Variants in C1GALT1 observed in about 807,000 individuals in gnomAD.
C1GALT1 encodes the protein core 1 synthase, glycoprotein-N-acetylgalactosamine 3-beta-galactosyltransferase 1.
A neutral mutation model predicts 31.0 loss-of-function variants in C1GALT1; 11 were observed. The ratio of observed to expected loss-of-function variants is 0.36; its 90% confidence interval spans 0.22 to 0.59. The LOEUF (loss-of-function observed/expected upper bound fraction) is 0.59. C1GALT1 is among the 20% of genes least tolerant of loss of function. The pLI is 0.79. For synonymous variants in C1GALT1, 175 were observed against 143.6 expected, an observed-to-expected ratio of 1.22 and a Z score of -1.56; for missense variants, 424 against 425.2, an observed-to-expected ratio of 1.00 and a Z score of 0.03.
At chr7:7,190,490 G>C (rs929995936) in intron 1 of C1GALT1, among the ~76,000 whole-genome samples, 8 of 152,108 alleles carry the variant, frequency 5.3e-5, no homozygotes, top group African/African-American at 1.7e-4. Flanking sequence ...CTGATGTAGA[G>C]AACAGTTTCT....
Position 7,238,666 on chromosome 7 carries a change from C to T in C1GALT1, c.632C>T (p.Ala211Val). The change falls in exon 3 of 4, where the codon GCA becomes GTA. Residue 211 changes from alanine (A) to valine (V), a missense_variant. Transcript: ENST00000436587. The surrounding 1 kb of genome is among the most constrained non-coding windows in gnomAD (Gnocchi z 5.2). ...AAGCAGGGCTACATGAGTGGAGGAG[C>T]AGGATATGTACTAAGCAAAGAAGCC... ...YVKQGYMSGG[A>V]GYVLSKEALK... 6.2e-7 allele frequency: 1 copy of T among 1,614,018 alleles called. No homozygotes were observed. Among genetic ancestry groups the T allele is most frequent in the Non-Finnish European group, 8.5e-7 (1 of 1,179,958 alleles).
intron 1 of C1GALT1, among the ~76,000 whole-genome samples, chr7:7,211,555 C>T (rs938536734): frequency 5.3e-5 from 8 of 152,148 alleles, no homozygotes; most frequent in African/African-American, 7.2e-5. Context: ...AAGGTGCTAC[C>T]GTGTGTATCC....
intron 2 of C1GALT1, among the ~76,000 whole-genome samples, chr7:7,173,828 G>A (rs1259498786): frequency 6.6e-6 from 1 of 152,182 alleles, no homozygotes; most frequent in Non-Finnish European, 1.5e-5. Flanking sequence ...ACTTAAGCCT[G>A]GGCGGTGGAG....
At chr7:7,233,331 TTG>T (rs1783178426) in intron 1 of C1GALT1, among the ~76,000 whole-genome samples, 1 of 152,182 alleles carries the variant, frequency 6.6e-6, no homozygotes, top group South Asian at 2.1e-4. Context: ...TGGTGCAGTC[TTG>T]GCACACTGCA....
chr7:7,238,633 C>T lies in C1GALT1; in HGVS notation c.599C>T (p.Pro200Leu). 1 of 1,614,042 alleles carries T rather than the reference C, an allele frequency of 6.2e-7. No homozygotes were observed. The highest frequency in any genetic ancestry group is 8.5e-7 in the Non-Finnish European group (1 of 1,179,964). ...ATTTACTTTGGGAGAAGATTTAAGC[C>T]TTATGTAAAGCAGGGCTACATGAGT... ...EPIYFGRRFK[P>L]YVKQGYMSGG... is the part of the protein sequence containing the mutation. The change falls in exon 3 of 4, where the codon CCT becomes CTT. Residue 200 changes from proline to leucine, a missense_variant. By Grantham distance (98) the Pro-to-Leu change is moderately conservative. Around this residue, in one of 3 missense-constraint regions of C1GALT1, gnomAD observed 44 missense variants for 78.3 expected, o/e 0.56. Transcript: ENST00000436587. This position sits in a 1 kb window ranked among gnomAD's most constrained non-coding sequence, Gnocchi z 5.2.
chr7:7,200,262 C>A (rs1325056683), intron 1 of C1GALT1, among the ~76,000 whole-genome samples: 1 of 152,108 alleles, frequency 6.6e-6, no homozygotes, highest in Non-Finnish European at 1.5e-5. Flanking sequence ...TCAGCATTTG[C>A]TTGTGTGTAA....
chr7:7,210,757 G>A (rs944377381), intron 1 of C1GALT1, among the ~76,000 whole-genome samples: 5 of 152,134 alleles, frequency 3.3e-5, no homozygotes, highest in African/African-American at 1.2e-4. Flanking sequence ...AACATGTAGG[G>A]CAAGGGCAAG....
intron 1 of C1GALT1, among the ~76,000 whole-genome samples, chr7:7,205,570 G>A (rs1273697109): frequency 6.6e-6 from 1 of 152,180 alleles, no homozygotes; most frequent in Non-Finnish European, 1.5e-5. Flanking sequence ...TGCACATATA[G>A]ATGGACCTAT....
chr7:7,232,494 T>G (rs201770637), intron 1 of C1GALT1, among the ~76,000 whole-genome samples: 5 of 94,928 alleles, frequency 5.3e-5, no homozygotes, highest in East Asian at 3.9e-4. Flanking sequence ...GTTTTTTTTT[T>G]TTGTTTTTTT....
intron 1 of C1GALT1, among the ~76,000 whole-genome samples, chr7:7,199,778 C>T (rs1163197593): frequency 6.6e-6 from 1 of 152,084 alleles, no homozygotes. Flanking sequence ...TGAATTGATC[C>T]CTGTACCATT....
intron 2 of C1GALT1, among the ~76,000 whole-genome samples, chr7:7,162,078 T>C (rs13228863): frequency 0.38 from 55,971 of 148,920 alleles, 11,152 homozygotes; most frequent in Admixed American, 0.56. Context: ...TTTTTTTTTT[T>C]CTTTTTTTTT....
intron 1 of C1GALT1, among the ~76,000 whole-genome samples, chr7:7,193,000 T>C (rs1292941425): frequency 1.3e-5 from 2 of 152,136 alleles, no homozygotes; most frequent in East Asian, 1.9e-4. Flanking sequence ...TTTGATGGGA[T>C]TGTTTGTTTT....
chr7:7,187,949 G>A (rs1029069136), intron 1 of C1GALT1, among the ~76,000 whole-genome samples: 6 of 152,266 alleles, frequency 3.9e-5, no homozygotes, highest in African/African-American at 1.2e-4. Flanking sequence ...GTGGAGTTCC[G>A]TGAAAGGATT....
intron 2 of C1GALT1, among the ~76,000 whole-genome samples, chr7:7,173,792 A>G (rs1267247378): frequency 1.3e-5 from 2 of 152,034 alleles, no homozygotes; most frequent in African/African-American, 4.8e-5. Context: ...GGTCCCTGTT[A>G]CTCGGGAGGC....
Position 7,238,413 on chromosome 7 carries a change from A to G in C1GALT1, c.379A>G (p.Lys127Glu), listed in dbSNP as rs181239665. 2 of 1,614,086 alleles carry G rather than the reference A, an allele frequency of 1.2e-6. No individual in the cohort carries two copies. Among genetic ancestry groups the G allele is most frequent in the Non-Finnish European group, 1.7e-6 (2 of 1,179,990 alleles). Residue 127 changes from lysine to glutamate, a missense_variant, in exon 3 of 4, where the codon AAA (lysine) becomes GAA (glutamate). Transcript: ENST00000436587. This position sits in a 1 kb window ranked among gnomAD's most constrained non-coding sequence, Gnocchi z 5.2. ...GTTGTTTATGAGTTCAGAAGAAAAT[A>G]AAGACTTCCCTGCTGTGGGACTGAA... ...KVLFMSSEENKDFPAVGLKTK... is the reference protein window; with the variant it reads ...KVLFMSSEENEDFPAVGLKTK...
intron 1 of C1GALT1, chr7:7,183,683 C>A: frequency 1.2e-6 from 1 of 800,658 alleles, no homozygotes; most frequent in Non-Finnish European, 1.5e-6. Context: ...CCCCCCACCA[C>A]CCCGCATTTA....
intron 1 of C1GALT1, among the ~76,000 whole-genome samples, chr7:7,201,568 C>A (rs895446879): frequency 4.6e-5 from 7 of 152,214 alleles, no homozygotes; most frequent in Non-Finnish European, 7.3e-5. Context: ...GAAGTTACTG[C>A]TGCCTTTTGA....
At chr7:7,174,264 G>A (rs1478416355) in intron 2 of C1GALT1, among the ~76,000 whole-genome samples, 1 of 152,142 alleles carries the variant, frequency 6.6e-6, no homozygotes, top group Non-Finnish European at 1.5e-5. Context: ...ATTCTGAAGG[G>A]TACATAAAAG....
chr7:7,191,680 A>G (rs1248598031), intron 1 of C1GALT1, among the ~76,000 whole-genome samples: 2 of 152,142 alleles, frequency 1.3e-5, no homozygotes, highest in Non-Finnish European at 2.9e-5. Flanking sequence ...TGTTATGGGT[A>G]TAAGGTAGCA....
Sources: gnomAD v4.1 joint callset for allele counts (sites outside exome capture counted in the v4.1 genomes callset) on GRCh38, gnomAD v4.1.1 for gene constraint, gnomAD v4.1.1 regional missense constraint, Gnocchi (gnomAD v3.1) non-coding constraint, MANE v1.5 for transcripts, NCBI Gene and HGNC (gene_info 2026-07-23, HGNC 2026-07-21) for gene names.